The following LRRC8A variants were observed in gnomAD, a reference collection of about 807,000 sequenced individuals.
LRRC8A encodes volume-regulated anion channel subunit LRRC8A.
Under a neutral mutation model 52.5 loss-of-function variants are expected in LRRC8A, and 24 were observed. The observed-to-expected ratio is 0.46, with a 90% CI of 0.33 to 0.64. The LOEUF (loss-of-function observed/expected upper bound fraction) is 0.64, where lower values mean the gene tolerates loss of function less well. LRRC8A is among the 30% of genes least tolerant of loss of function. LRRC8A has a pLI of 0.02. For missense variants in LRRC8A, 677 were observed against 1,094.7 expected (o/e 0.62, Z 5.38); for synonymous variants, 492 against 494.2 (o/e 1.00, Z 0.06).
In LRRC8A at chr9:128,899,555, T is replaced by TA. The variant is rs553814958; in HGVS notation, c.-8-7592dup. Among the ~76,000 whole-genome samples the TA allele has an allele frequency of 8.2e-4, 119 of 145,018 alleles. No homozygotes were observed. The highest frequency in any genetic ancestry group is 2.5e-3 in the African/African-American group (100 of 39,506). On this transcript the variant is annotated intron_variant, in intron 2 of 3. Coordinates refer to ENST00000372600, the MANE Select transcript of LRRC8A (RefSeq NM_019594.4). This position sits in a 1 kb window ranked among gnomAD's most constrained non-coding sequence, Gnocchi z 4.0. ...TTCCGTGGTTATAAAATGGACACCT[T>TA]AAAAAAAAAAGCCTTAACAAAAGGA...
In LRRC8A at chr9:128,885,712, AGCCTG is replaced by A. The variant is rs1315886335; in HGVS notation, c.-115-300_-115-296del. Among the ~76,000 whole-genome samples the A allele has an allele frequency of 1.4e-4, 22 of 152,294 alleles. 1 individual carries two copies. In the East Asian group the frequency reaches 3.1e-3, roughly 21 times the overall value. ...CCCTGGAGGTTAGGAGTTTGAGAGC[AGCCTG>A]GCTAACATGGGGAAACGCTGTCTCT... On this transcript the variant is annotated intron_variant, in intron 1 of 3. Transcript: ENST00000372600.
chr9:128,890,327 C>A (rs760860908), intron 2 of LRRC8A, among the ~76,000 whole-genome samples: 2 of 152,124 alleles, frequency 1.3e-5, no homozygotes, highest in African/African-American at 4.8e-5. Flanking sequence ...TACATCTAAA[C>A]GTCTCTTGAG....
In LRRC8A at chr9:128,908,618, C is replaced by T. The variant is rs749079625; in HGVS notation, c.1454C>T (p.Ala485Val). Residue 485 changes from alanine (A) to valine (V), a missense_variant, in exon 3 of 4, where the codon GCG (alanine) becomes GTG (valine). This residue lies in a region of LRRC8A where 422 missense variants were observed against 741.5 expected (regional missense o/e 0.57). Coordinates refer to ENST00000372600, the MANE Select transcript of LRRC8A (RefSeq NM_019594.4). ...TACCACACAGCGGCCAAGATTGAAG[C>T]GCCCGCGCTGGCCTTCCTGCGTGAG... Reference protein sequence around the residue: ...WLYHTAAKIEAPALAFLRENL... With the variant: ...WLYHTAAKIEVPALAFLRENL... 7 of 1,612,514 alleles carry T rather than the reference C, an allele frequency of 4.3e-6. No homozygotes were observed. The highest frequency in any genetic ancestry group is 1.7e-5 in the Admixed American group (1 of 59,986).
chr9:128,908,766 C>A lies in LRRC8A; in HGVS notation c.1602C>A (p.Tyr534Ter). The A allele has an allele frequency of 6.2e-7, 1 of 1,613,366 alleles. No homozygotes were observed. Among genetic ancestry groups the A allele is most frequent in the Non-Finnish European group, 8.5e-7 (1 of 1,180,042 alleles). The part of the protein sequence containing the change: ...TGNLSAENNR[Y>*]IVIDGLRELK... The stretch of plus-strand genomic sequence containing the variant: ...ACCTGAGCGCGGAGAACAACCGCTA[C>A]ATCGTCATCGACGGGCTGCGGGAGC... Residue 534 changes from tyrosine (Y) to a stop codon, truncating the protein, a stop_gained, in exon 3 of 4, where the codon TAC (tyrosine) becomes TAA (stop). Coordinates refer to ENST00000372600, the MANE Select transcript of LRRC8A (RefSeq NM_019594.4). LOFTEE classifies it high-confidence loss of function.
chr9:128,883,275 C>G (rs1839202305), intron 1 of LRRC8A, among the ~76,000 whole-genome samples: 1 of 152,198 alleles, frequency 6.6e-6, no homozygotes, highest in African/African-American at 2.4e-5. Flanking sequence ...CCGAAGTTCC[C>G]AAGGACCTCT....
Position 128,907,212 on chromosome 9 carries a change from A to C in LRRC8A, c.48A>C (p.Ala16=). The stretch of plus-strand genomic sequence containing the variant: ...GCTACTTTGCGGACACGCAGCCAGC[A>C]TACCGGATCCTGAAGCCGTGGTGGG... ...ELRYFADTQP[A]YRILKPWWDV... is the part of the protein sequence containing the mutation. Residue 16 remains alanine, a synonymous_variant, in exon 3 of 4, where the codon GCA becomes GCC. Transcript: ENST00000372600. The surrounding 1 kb of genome is among the most constrained non-coding windows in gnomAD (Gnocchi z 9.3). 1 of 1,613,390 alleles carries C rather than the reference A, an allele frequency of 6.2e-7. No homozygotes were observed. Among genetic ancestry groups the C allele is most frequent in the Non-Finnish European group, 8.5e-7 (1 of 1,179,410 alleles).
chr9:128,916,099 G>A lies in LRRC8A; in HGVS notation c.2161G>A (p.Glu721Lys). ...QNLAITANRI[E>K]TLPPELFQCR... Reference sequence around the variant, plus strand: ...ACCCCTGCTTTTTTCCCTCCAGATCGAGACGCTCCCTCCGGAGCTCTTCCA... The same window carrying A: ...ACCCCTGCTTTTTTCCCTCCAGATCAAGACGCTCCCTCCGGAGCTCTTCCA... Residue 721 changes from glutamate (E) to lysine (K), a missense_variant, in exon 4 of 4, where the codon GAG (glutamate) becomes AAG (lysine). This residue lies in a region of LRRC8A where 169 missense variants were observed against 217.6 expected (regional missense o/e 0.78). Coordinates refer to ENST00000372600, the MANE Select transcript of LRRC8A (RefSeq NM_019594.4). The surrounding 1 kb of genome is among the most constrained non-coding windows in gnomAD (Gnocchi z 6.1). The A allele has an allele frequency of 2.5e-6, 4 of 1,603,036 alleles. No homozygotes were observed. In the South Asian group the frequency reaches 3.3e-5, roughly 13 times the overall value.
chr9:128,908,574 C>T lies in LRRC8A; in HGVS notation c.1410C>T (p.Gly470=). Residue 470 remains glycine (G), a synonymous_variant, in exon 3 of 4, where the codon GGC becomes GGT. Transcript: ENST00000372600. The part of the protein sequence containing the change: ...TIPPSIAQLT[G]LKELWLYHTA... ...CGCCCAGCATTGCCCAGCTCACGGG[C>T]CTCAAGGAGCTGTGGCTCTACCACA... 6.2e-7 allele frequency: 1 copy of T among 1,612,838 alleles called. No individual in the cohort carries two copies. Among genetic ancestry groups the T allele is most frequent in the Non-Finnish European group, 8.5e-7 (1 of 1,180,004 alleles).
rs762377121 is a variant in LRRC8A, at chr9:128,916,131, G to A, written c.2193G>A (p.Arg731=). 4.3e-6 allele frequency: 7 copies of A among 1,611,902 alleles called. No individual in the cohort carries two copies. In the African/African-American group the frequency reaches 9.3e-5, roughly 22 times the overall value. ...ETLPPELFQC[R]KLRALHLGNN... is the part of the protein sequence containing the mutation. Reference sequence around the variant, plus strand: ...TCCCTCCGGAGCTCTTCCAGTGCCGGAAGCTGCGGGCCCTGCACCTGGGCA... The same window carrying A: ...TCCCTCCGGAGCTCTTCCAGTGCCGAAAGCTGCGGGCCCTGCACCTGGGCA... The change falls in exon 4 of 4, where the codon CGG becomes CGA. Residue 731 remains arginine, a synonymous_variant. Coordinates refer to ENST00000372600, the MANE Select transcript of LRRC8A (RefSeq NM_019594.4). This position sits in a 1 kb window ranked among gnomAD's most constrained non-coding sequence, Gnocchi z 6.1.
At chr9:128,894,293 T>G (rs1413890364) in intron 2 of LRRC8A, among the ~76,000 whole-genome samples, 6 of 149,992 alleles carry the variant, frequency 4.0e-5, no homozygotes, top group Non-Finnish European at 7.4e-5. Flanking sequence ...ATCATCCTGG[T>G]TAACACGATG....
chr9:128,890,130 T>TGTGTGTGTGTGTGTGTG (rs1839548910), intron 2 of LRRC8A, among the ~76,000 whole-genome samples: 1 of 128,210 alleles, frequency 7.8e-6, no homozygotes, highest in African/African-American at 2.8e-5. Context: ...TGGCTTCATT[T>TGTGTGTGTGTGTGTGTG]TGTGTGTGTG....
rs1373419473 is a variant in LRRC8A at position 128,892,376 on chromosome 9, T to TCACC, written c.-9+6257_-9+6260dup. On this transcript the variant is annotated intron_variant, in intron 2 of 3. Transcript: ENST00000372600. The surrounding 1 kb of genome is among the most constrained non-coding windows in gnomAD (Gnocchi z 5.2). ...GTGGGTGTCCCTCACCTGTTGCCTT[T>TCACC]CACCCTAGAAGGCGGGCCACGCCCT... Among the ~76,000 whole-genome samples, 1 of 152,154 alleles carries TCACC rather than the reference T, an allele frequency of 6.6e-6. No homozygotes were observed. Among genetic ancestry groups the TCACC allele is most frequent in the Non-Finnish European group, 1.5e-5 (1 of 68,000 alleles).
rs1442085128 is a variant in LRRC8A, at chr9:128,908,718, G to A, written c.1554G>A (p.Leu518=). The change falls in exon 3 of 4, where the codon CTG becomes CTA. Residue 518 remains leucine, a synonymous_variant. Coordinates refer to ENST00000372600, the MANE Select transcript of LRRC8A (RefSeq NM_019594.4). ...TGTGGATCTATAGCCTGAAGACACTGGAGGAGCTGCACCTGACGGGCAACC... is the reference window on the plus strand; with the variant it reads ...TGTGGATCTATAGCCTGAAGACACTAGAGGAGCTGCACCTGACGGGCAACC... ...IPLWIYSLKT[L]EELHLTGNLS... 6.2e-7 allele frequency: 1 copy of A among 1,613,138 alleles called. No homozygotes were observed. The highest frequency in any genetic ancestry group is 2.2e-5 in the East Asian group (1 of 44,888).
intron 2 of LRRC8A, among the ~76,000 whole-genome samples, chr9:128,893,591 G>GT (rs2130957623): frequency 6.6e-6 from 1 of 152,174 alleles, no homozygotes; most frequent in Admixed American, 6.5e-5. Context: ...GCTGCTGAGC[G>GT]TGAGTGTTAC....
rs1383025833 is a variant in LRRC8A, at chr9:128,917,313, T to G, written c.*942T>G. 6.6e-6 allele frequency: 1 copy of G among 152,428 alleles called. No individual in the cohort carries two copies. The highest frequency in any genetic ancestry group is 1.5e-5 in the Non-Finnish European group (1 of 68,044). The allele number at this position is 152,428 out of a possible 1,614,324, so 9.4% of individuals were successfully genotyped here. On this transcript the variant is annotated 3_prime_UTR_variant, in exon 4 of 4. Transcript: ENST00000372600. ...GGGGAGGGAGGTTTTTTTGTTTGTT[T>G]TTTGGGTTTTTTTGGTGTCTTGTTT... is the stretch of plus-strand genomic sequence containing the variant.
rs553448929 is a variant in LRRC8A at position 128,904,777 on chromosome 9, A to G, written c.-8-2380A>G. 1.1e-4 allele frequency among the ~76,000 whole-genome samples: 16 copies of G among 151,870 alleles called. No homozygotes were observed. The South Asian group carries it at 1.5e-3, about 14-fold the overall frequency. On this transcript the variant is annotated intron_variant, in intron 2 of 3. Coordinates refer to ENST00000372600, the MANE Select transcript of LRRC8A (RefSeq NM_019594.4). ...TGGGAGGCCAAGGCGGGCGGATCAC[A>G]AGGTCAGGAGAACGAGACCATCCTG... is the stretch of plus-strand genomic sequence containing the variant.
intron 2 of LRRC8A, among the ~76,000 whole-genome samples, chr9:128,898,393 A>G (rs923918424): frequency 6.6e-6 from 1 of 151,860 alleles, no homozygotes; most frequent in African/African-American, 2.4e-5. Flanking sequence ...CTTATTGTCC[A>G]CCTACTGCGT....
chr9:128,914,550 C>T (rs1840720993), intron 3 of LRRC8A, among the ~76,000 whole-genome samples: 1 of 152,240 alleles, frequency 6.6e-6, no homozygotes, highest in Non-Finnish European at 1.5e-5. Flanking sequence ...TACATCCTCT[C>T]CTGACCCTTT....
rs572919654 is a variant in LRRC8A, at chr9:128,882,656, C to A, written c.-116+406C>A. The A allele has an allele frequency of 3.0e-5, 12 of 399,172 alleles. No homozygotes were observed. In the East Asian group the frequency reaches 4.3e-4, roughly 14 times the overall value. The allele number at this position is 399,172 out of a possible 1,614,324, so 24.7% of individuals were successfully genotyped here. ...CTTGCCATTTCTTTTTCAAAGATTT[C>A]CTTAGCTGTCTTCTCCTGAGTTCCT... On this transcript the variant is annotated intron_variant, in intron 1 of 3. Transcript: ENST00000372600.
Sources: gnomAD v4.1 joint callset for allele counts (sites outside exome capture counted in the v4.1 genomes callset) on GRCh38, gnomAD v4.1.1 for gene constraint, gnomAD v4.1.1 regional missense constraint, Gnocchi (gnomAD v3.1) non-coding constraint, MANE v1.5 for transcripts, NCBI Gene and HGNC (gene_info 2026-07-23, HGNC 2026-07-21) for gene names.